Variants in TCERG1L observed in about 807,000 individuals in gnomAD.
TCERG1L encodes the protein transcription elongation regulator 1 like, also known as transcription elongation regulator 1-like protein.
TCERG1L carries 37 observed loss-of-function variants against 56.3 expected under a neutral mutation model. The ratio of observed to expected loss-of-function variants is 0.66; its 90% CI spans 0.51 to 0.87. The LOEUF (loss-of-function observed/expected upper bound fraction) is 0.87, where lower values mean the gene tolerates loss of function less well. Ranked by LOEUF, TCERG1L falls within the 40% of genes least tolerant of loss-of-function variation. The pLI is 0.00. For missense variants in TCERG1L, 799 were observed against 774.2 expected (o/e 1.03, Z -0.38); for synonymous variants, 324 against 326.3 (o/e 0.99, Z 0.08).
At chr10:131,184,827 C>T (rs1391248318) in intron 4 of TCERG1L, among the ~76,000 whole-genome samples, 1 of 152,204 alleles carries the variant, frequency 6.6e-6, no homozygotes, top group African/African-American at 2.4e-5. Context: ...ACACAGTGTC[C>T]TCAAAGGGAC....
chr10:131,230,675 T>C (rs562793558), intron 4 of TCERG1L, among the ~76,000 whole-genome samples: 1 of 152,276 alleles, frequency 6.6e-6, no homozygotes, highest in Admixed American at 6.5e-5. Context: ...ACTCCATGTG[T>C]GACCAAGCTC....
intron 6 of TCERG1L, among the ~76,000 whole-genome samples, chr10:131,148,976 C>A (rs923046218): frequency 1.3e-5 from 2 of 152,184 alleles, no homozygotes; most frequent in African/African-American, 4.8e-5. Context: ...GAGGCCTTGG[C>A]CACAGCTGGC....
chr10:131,117,705 CG>C, intron 8 of TCERG1L, among the ~76,000 whole-genome samples: 1 of 152,310 alleles, frequency 6.6e-6, no homozygotes, highest in Middle Eastern at 3.4e-3. Flanking sequence ...CCGAACCACA[CG>C]GGCAGGGAGG....
In TCERG1L at chr10:131,118,986, G is replaced by A. The variant is rs982472810; in HGVS notation, c.1260-2052C>T. Among the ~76,000 whole-genome samples, 6 of 152,088 alleles carry A rather than the reference G, an allele frequency of 3.9e-5. No individual in the cohort carries two copies. Among genetic ancestry groups the A allele is most frequent in the East Asian group, 1.9e-4 (1 of 5,166 alleles). On this transcript the variant is annotated intron_variant, in intron 8 of 11. Transcript: ENST00000368642. The surrounding 1 kb of genome is among the most constrained non-coding windows in gnomAD (Gnocchi z 4.2). ...CAATGCACAGGACAGCCCCCACCAC[G>A]CAGGCTCATGTGGCCCAAGTGGGTC...
chr10:131,217,648 G>A (rs929737606), intron 4 of TCERG1L, among the ~76,000 whole-genome samples: 1 of 151,416 alleles, frequency 6.6e-6, no homozygotes, highest in Non-Finnish European at 1.5e-5. Context: ...GGGAACAATG[G>A]GAAGCTCCAC....
rs1195721949 is a variant in TCERG1L, at chr10:131,229,019, C to T, written c.856+31240G>A. Among the ~76,000 whole-genome samples the T allele has an allele frequency of 4.1e-5, 3 of 73,878 alleles. 1 individual carries two copies. Among genetic ancestry groups the T allele is most frequent in the Non-Finnish European group, 7.7e-5 (3 of 39,158 alleles). 48.5% of individuals were successfully genotyped at this position (73,878 alleles called of 152,430 possible). ...GCATTCCTCAAGGTCTCTGGAGTCT[C>T]CACTCCAGAAAGGCATTTCCTCAAG... On this transcript the variant is annotated intron_variant, in intron 4 of 11. Transcript: ENST00000368642.
rs774606759 is a variant in TCERG1L, at chr10:131,267,452, G to A, written c.671-7008C>T. On this transcript the variant is annotated intron_variant, in intron 3 of 11. Transcript: ENST00000368642. This position sits in a 1 kb window ranked among gnomAD's most constrained non-coding sequence, Gnocchi z 4.9. ...GGGTGGCTGCAACTGAGCCTCGGCA[G>A]CTCCCACACTGCCAACTTGAGGGGG... Among the ~76,000 whole-genome samples, 2 of 152,228 alleles carry A rather than the reference G, an allele frequency of 1.3e-5. No homozygotes were observed. Among genetic ancestry groups the A allele is most frequent in the Non-Finnish European group, 2.9e-5 (2 of 68,026 alleles).
intron 6 of TCERG1L, among the ~76,000 whole-genome samples, chr10:131,155,318 A>T (rs1010870473): frequency 2.0e-5 from 3 of 152,232 alleles, no homozygotes; most frequent in Non-Finnish European, 4.4e-5. Flanking sequence ...TGTCATTGTT[A>T]AATAATGAGC....
At chr10:131,163,282 G>A (rs988369043) in intron 5 of TCERG1L, 72 bp from the exon 6 acceptor site, 1 of 1,245,050 alleles carries the variant, frequency 8.0e-7, no homozygotes, top group African/African-American at 2.2e-5. Flanking sequence ...GCAAGGAAGG[G>A]AGGAATAAAC....
chr10:131,286,133 A>G (rs1846538306), intron 3 of TCERG1L, among the ~76,000 whole-genome samples: 1 of 152,230 alleles, frequency 6.6e-6, no homozygotes, highest in African/African-American at 2.4e-5. Flanking sequence ...TGGCTCTTGC[A>G]CAGTAGTCTT....
chr10:131,301,250 G>A (rs557988359), intron 3 of TCERG1L, among the ~76,000 whole-genome samples: 46 of 152,040 alleles, frequency 3.0e-4, no homozygotes, highest in African/African-American at 1.1e-3. Context: ...TTTAACAAAC[G>A]TGGAGGATTT....
intron 4 of TCERG1L, among the ~76,000 whole-genome samples, chr10:131,230,609 C>T (rs1431039096): frequency 2.0e-5 from 3 of 152,224 alleles, no homozygotes; most frequent in Non-Finnish European, 2.9e-5. Flanking sequence ...AGCTAAGCCT[C>T]CGTGTGGATG....
chr10:131,197,619 C>T (rs1564812480), intron 4 of TCERG1L, among the ~76,000 whole-genome samples: 2 of 152,158 alleles, frequency 1.3e-5, no homozygotes, highest in African/African-American at 4.8e-5. Flanking sequence ...TTCATTATAT[C>T]CCAGTCTTCA....
chr10:131,148,607 GACAC>G (rs1311043082), intron 6 of TCERG1L, among the ~76,000 whole-genome samples: 13 of 151,152 alleles, frequency 8.6e-5, no homozygotes, highest in African/African-American at 3.2e-4. Flanking sequence ...TGCACACGTA[GACAC>G]ACACAGAGAC....
chr10:131,195,840 T>G, intron 4 of TCERG1L, among the ~76,000 whole-genome samples: 1 of 152,246 alleles, frequency 6.6e-6, no homozygotes, highest in East Asian at 1.9e-4. Context: ...ACGCTCGGCC[T>G]GCGGGGCGCG....
At position 131,169,611 on chromosome 10, in the gene TCERG1L, A is replaced by G. The variant is rs976084773; in HGVS notation, c.857-2726T>C. 1.2e-4 allele frequency among the ~76,000 whole-genome samples: 18 copies of G among 152,208 alleles called. No individual in the cohort carries two copies. The East Asian group carries it at 2.9e-3, about 24-fold the overall frequency. On this transcript the variant is annotated intron_variant, in intron 4 of 11. Coordinates refer to ENST00000368642, the MANE Select transcript of TCERG1L (RefSeq NM_174937.4). ...GTTTAAATTTTATCTAAAGTACAGCAAAGAGCAAGTCCCAGGGAGGAAGTC... is the reference window on the plus strand; with the variant it reads ...GTTTAAATTTTATCTAAAGTACAGCGAAGAGCAAGTCCCAGGGAGGAAGTC...
chr10:131,281,314 A>G (rs551809390), intron 3 of TCERG1L, among the ~76,000 whole-genome samples: 2 of 152,134 alleles, frequency 1.3e-5, no homozygotes, highest in Non-Finnish European at 2.9e-5. Flanking sequence ...CTGCCCTCTG[A>G]GCGTGTCCAC....
At position 131,093,103 on chromosome 10, in the gene TCERG1L, C is replaced by T. The variant is rs1845198219; in HGVS notation, c.*59G>A. 2 of 1,577,488 alleles carry T rather than the reference C, an allele frequency of 1.3e-6. No homozygotes were observed. The highest frequency in any genetic ancestry group is 1.2e-5 in the South Asian group (1 of 85,840). On this transcript the variant is annotated 3_prime_UTR_variant, in exon 12 of 12. Coordinates refer to ENST00000368642, the MANE Select transcript of TCERG1L (RefSeq NM_174937.4). ...CGCCCGTGTCCGTCTCCACCGTGAC[C>T]CCCTCGCCCCCGGCACGCCCAGGGT...
intron 8 of TCERG1L, among the ~76,000 whole-genome samples, chr10:131,120,440 C>A (rs1845501182): frequency 6.6e-6 from 1 of 152,216 alleles, no homozygotes; most frequent in South Asian, 2.1e-4. Flanking sequence ...ACCTCTAAAC[C>A]CTCAGAGGCA....
Sources: gnomAD v4.1 joint callset for allele counts (sites outside exome capture counted in the v4.1 genomes callset) on GRCh38, gnomAD v4.1.1 for gene constraint, Gnocchi (gnomAD v3.1) non-coding constraint, MANE v1.5 for transcripts, NCBI Gene and HGNC (gene_info 2026-07-23, HGNC 2026-07-21) for gene names.